SRGAP2: variants seen among roughly 807,000 people sequenced by gnomAD.
The protein encoded by SRGAP2 is SLIT-ROBO Rho GTPase activating protein 2, also known as SLIT-ROBO Rho GTPase-activating protein 2.
In SRGAP2, 15 loss-of-function variants were observed where a neutral mutation model predicts 57.2. That is an observed-to-expected ratio of 0.26 (90% confidence interval 0.18 to 0.40). The LOEUF (loss-of-function observed/expected upper bound fraction) is 0.40. Among genes scored for constraint, SRGAP2 ranks in the 10% least tolerant of loss-of-function variants. The pLI is 1.00. For missense variants in SRGAP2, 520 were observed against 669.6 expected (o/e 0.78, Z 2.47); for synonymous variants, 249 against 248.0 (o/e 1.00, Z -0.04).
At chr1:206,359,060 A>G (rs1553340052) in intron 4 of SRGAP2, among the ~76,000 whole-genome samples, 1 of 152,250 alleles carries the variant, frequency 6.6e-6, no homozygotes, top group African/African-American at 2.4e-5. Flanking sequence ...TCTTTTAATT[A>G]CCTGCTGCCA....
At chr1:206,450,831 C>G (rs1446709516) in intron 19 of SRGAP2, among the ~76,000 whole-genome samples, 1 of 151,874 alleles carries the variant, frequency 6.6e-6, no homozygotes, top group Non-Finnish European at 1.5e-5. Flanking sequence ...AAACAGTAAG[C>G]AATTGGGTGT....
At position 206,205,755 on chromosome 1, in the gene SRGAP2, C is replaced by T; in HGVS notation, c.-216C>T. 2 of 625,092 alleles carry T rather than the reference C, an allele frequency of 3.2e-6. No homozygotes were observed. The highest frequency in any genetic ancestry group is 3.9e-5 in the South Asian group (2 of 51,022). The allele number at this position is 625,092 out of a possible 1,614,324, so 38.7% of individuals were successfully genotyped here. A position where few individuals can be genotyped will look rare whatever the true frequency, so the allele number is the denominator to read the frequency against. Reference sequence around the variant, plus strand: ...CTCCGGCTCTAGCACAGGCACCAGCCGCCGCCGCACCCGGCCCCAGCGCCC... The same window carrying T: ...CTCCGGCTCTAGCACAGGCACCAGCTGCCGCCGCACCCGGCCCCAGCGCCC... On this transcript the variant is annotated 5_prime_UTR_variant, in exon 2 of 23. Transcript: ENST00000573034.
At chr1:206,434,288 G>A (rs1661531437) in intron 14 of SRGAP2, among the ~76,000 whole-genome samples, 1 of 152,014 alleles carries the variant, frequency 6.6e-6, no homozygotes, top group African/African-American at 2.4e-5. Flanking sequence ...GAATCATGAT[G>A]GAAAAAAACA....
At chr1:206,440,451 A>T (rs534233324) in intron 17 of SRGAP2, among the ~76,000 whole-genome samples, 60 of 152,292 alleles carry the variant, frequency 3.9e-4, no homozygotes, top group Admixed American at 3.1e-3. Flanking sequence ...TACAAGCAGC[A>T]GCCCAGAGGA....
intron 4 of SRGAP2, among the ~76,000 whole-genome samples, chr1:206,360,554 C>A (rs1225681858): frequency 1.3e-5 from 2 of 152,106 alleles, no homozygotes; most frequent in African/African-American, 4.8e-5. Context: ...TGGATTGAAA[C>A]AGGGTGGAGC....
chr1:206,440,513 C>T (rs147772482), intron 17 of SRGAP2, among the ~76,000 whole-genome samples: 66 of 151,458 alleles, frequency 4.4e-4, no homozygotes, highest in African/African-American at 1.6e-3. Context: ...ATGGTAATAG[C>T]GAGTTTGGAT....
At chr1:206,409,864 C>T (rs1336431631) in intron 10 of SRGAP2, among the ~76,000 whole-genome samples, 1 of 150,340 alleles carries the variant, frequency 6.7e-6, no homozygotes, top group Admixed American at 6.6e-5. Flanking sequence ...TTTGGGAGGC[C>T]GAGGCAGGCG....
At chr1:206,302,650 T>C (rs1338040866) in intron 2 of SRGAP2, among the ~76,000 whole-genome samples, 5 of 152,262 alleles carry the variant, frequency 3.3e-5, no homozygotes, top group Admixed American at 3.3e-4. Flanking sequence ...CCAGAAGTTC[T>C]TGTGCTTGTT....
rs1349465505 is a variant in SRGAP2 at position 206,319,194 on chromosome 1, G to A, written c.260+15721G>A. ...TGGGAGGCCGAGGCGGGCGGATCAC[G>A]AGGTCAGGAGATCGAGACCATCCTG... On this transcript the variant is annotated intron_variant, in intron 3 of 22. Coordinates refer to ENST00000573034, the MANE Select transcript of SRGAP2 (RefSeq NM_015326.5). Among the ~76,000 whole-genome samples the A allele has an allele frequency of 1.5e-4, 22 of 147,974 alleles. 1 individual carries two copies. The East Asian group carries it at 3.7e-3, about 25-fold the overall frequency.
chr1:206,372,964 CCTTTCTTTCTTTCTTT>C (rs1171287240), intron 4 of SRGAP2, among the ~76,000 whole-genome samples: 1,742 of 23,248 alleles, frequency 0.075, 199 homozygotes, highest in Non-Finnish European at 0.089. Context: ...TCTTTTCTTT[CCTTTCTTTCTTTCTTT>C]CTTTCTTTCT....
At chr1:206,286,880 A>G (rs1393652822) in intron 2 of SRGAP2, among the ~76,000 whole-genome samples, 1 of 151,858 alleles carries the variant, frequency 6.6e-6, no homozygotes, top group Non-Finnish European at 1.5e-5. Context: ...TGGGCCATGT[A>G]AGGTTTTGGA....
intron 20 of SRGAP2, chr1:206,453,769 T>G (rs946177944): frequency 7.9e-6 from 2 of 252,478 alleles, no homozygotes; most frequent in Non-Finnish European, 1.5e-5. Context: ...CTTTTTTTTT[T>G]AAACAACTAT....
At chr1:206,280,039 T>C (rs1245914612) in intron 2 of SRGAP2, among the ~76,000 whole-genome samples, 26 of 151,156 alleles carry the variant, frequency 1.7e-4, no homozygotes, top group African/African-American at 5.8e-4. Context: ...AAGTCCAGCG[T>C]TGGTGTGGTT....
intron 2 of SRGAP2, among the ~76,000 whole-genome samples, chr1:206,260,605 A>G (rs1408037325): frequency 3.9e-5 from 6 of 152,144 alleles, no homozygotes; most frequent in Non-Finnish European, 7.4e-5. Context: ...GTTCTGTACT[A>G]TTTTGTCCTT....
chr1:206,312,101 C>G (rs1417720729), intron 3 of SRGAP2: 1 of 152,238 alleles, frequency 6.6e-6, no homozygotes, highest in Non-Finnish European at 1.5e-5. Flanking sequence ...AGCGGGCACT[C>G]ATCACCTCCC....
chr1:206,437,859 G>A (rs1302682735), intron 15 of SRGAP2, 105 bp from the exon 16 acceptor site: 19 of 724,328 alleles, frequency 2.6e-5, no homozygotes, highest in Admixed American at 1.7e-4. Context: ...GAAAGCTGAT[G>A]GATTGGGACC....
intron 18 of SRGAP2, among the ~76,000 whole-genome samples, chr1:206,447,298 A>G (rs1395879803): frequency 6.6e-6 from 1 of 152,108 alleles, no homozygotes; most frequent in Non-Finnish European, 1.5e-5. Flanking sequence ...GGCCAGCCCC[A>G]TTGCTATCGA....
chr1:206,227,312 A>G (rs1455328114), intron 2 of SRGAP2, among the ~76,000 whole-genome samples: 7 of 152,206 alleles, frequency 4.6e-5, no homozygotes, highest in African/African-American at 1.7e-4. Flanking sequence ...AATTCTTTGC[A>G]TTTTTATTCG....
chr1:206,338,728 C>T lies in SRGAP2; in HGVS notation c.261-4118C>T, dbSNP rs540026868. Among the ~76,000 whole-genome samples, 73 of 88,084 alleles carry T rather than the reference C, an allele frequency of 8.3e-4. 2 individuals are homozygous for T. The highest frequency in any genetic ancestry group is 1.2e-3 in the Admixed American group (10 of 8,412). The allele number at this position is 88,084 out of a possible 152,430, so 57.8% of individuals were successfully genotyped here. A position where few individuals can be genotyped will look rare whatever the true frequency, so the allele number is the denominator to read the frequency against. ...ACCAGAAATATTGTGTGAAAAGCTGCATTAATAGTAGGAGAGGCTGAGAAC... is the reference window on the plus strand; with the variant it reads ...ACCAGAAATATTGTGTGAAAAGCTGTATTAATAGTAGGAGAGGCTGAGAAC... On this transcript the variant is annotated intron_variant, in intron 3 of 22. Transcript: ENST00000573034.
Sources: gnomAD v4.1 joint callset for allele counts (sites outside exome capture counted in the v4.1 genomes callset) on GRCh38, gnomAD v4.1.1 for gene constraint, MANE v1.5 for transcripts, NCBI Gene and HGNC (gene_info 2026-07-23, HGNC 2026-07-21) for gene names.